ITGA9: variants seen among roughly 807,000 people sequenced by gnomAD.
The protein encoded by ITGA9 is integrin alpha-9.
A neutral mutation model predicts 127.8 loss-of-function variants in ITGA9; 56 were observed. The ratio of observed to expected loss-of-function variants is 0.44; its 90% confidence interval spans 0.35 to 0.55. The LOEUF (loss-of-function observed/expected upper bound fraction) is 0.55, where lower values mean the gene tolerates loss of function less well. Among genes scored for constraint, ITGA9 ranks in the 20% least tolerant of loss-of-function variants. The pLI is 0.00. For synonymous variants in ITGA9, 508 were observed against 514.5 expected (o/e 0.99, Z 0.17); for missense variants, 1,196 against 1,347.1 (o/e 0.89, Z 1.76).
At chr3:37,786,619 A>AAAC (rs1697045175) in intron 26 of ITGA9, among the ~76,000 whole-genome samples, 1 of 151,742 alleles carries the variant, frequency 6.6e-6, no homozygotes, top group African/African-American at 2.4e-5. Flanking sequence ...AACAAACAAA[A>AAAC]AAAAAAAAAC....
chr3:37,594,424 T>A (rs1287690777), intron 15 of ITGA9, among the ~76,000 whole-genome samples: 1 of 152,176 alleles, frequency 6.6e-6, no homozygotes, highest in East Asian at 1.9e-4. Flanking sequence ...AGGAGAGGAC[T>A]CAACAGTAAG....
At chr3:37,544,078 G>A (rs553478787) in intron 15 of ITGA9, among the ~76,000 whole-genome samples, 2 of 152,356 alleles carry the variant, frequency 1.3e-5, no homozygotes, top group Non-Finnish European at 2.9e-5. Flanking sequence ...GCTGGGGACA[G>A]GGCATCTTCT....
intron 22 of ITGA9, chr3:37,749,557 T>C (rs1332472109): frequency 1.3e-5 from 2 of 152,308 alleles, no homozygotes; most frequent in African/African-American, 4.8e-5. Flanking sequence ...CTCTGCATAT[T>C]CTGTTTCTTC....
intron 17 of ITGA9, among the ~76,000 whole-genome samples, chr3:37,665,796 C>T (rs1369559221): frequency 6.6e-6 from 1 of 152,180 alleles, no homozygotes; most frequent in Admixed American, 6.5e-5. Flanking sequence ...TGCCTCTCCT[C>T]ACATCCCAGC....
intron 15 of ITGA9, among the ~76,000 whole-genome samples, chr3:37,591,400 C>T (rs1699816485): frequency 6.6e-6 from 1 of 152,160 alleles, no homozygotes; most frequent in South Asian, 2.1e-4. Context: ...CTAGTGTACC[C>T]CACCCTTAGC....
chr3:37,795,421 G>C (rs1347911298), intron 26 of ITGA9, among the ~76,000 whole-genome samples: 3 of 152,152 alleles, frequency 2.0e-5, no homozygotes, highest in Admixed American at 1.3e-4. Flanking sequence ...GTGTGGTTTA[G>C]GTTCACCCAC....
chr3:37,546,292 A>G (rs547801231), intron 15 of ITGA9, among the ~76,000 whole-genome samples: 1 of 152,338 alleles, frequency 6.6e-6, no homozygotes, highest in South Asian at 2.1e-4. Context: ...ATCAAGTTCT[A>G]GGGAAGGCTT....
At chr3:37,514,631 G>A (rs934006927) in intron 9 of ITGA9, among the ~76,000 whole-genome samples, 3 of 152,266 alleles carry the variant, frequency 2.0e-5, no homozygotes, top group South Asian at 2.1e-4. Flanking sequence ...GTGCAGTGAC[G>A]CAGTCTTGGC....
chr3:37,581,826 G>C (rs975098057), intron 15 of ITGA9, among the ~76,000 whole-genome samples: 2 of 152,188 alleles, frequency 1.3e-5, no homozygotes, highest in African/African-American at 2.4e-5. Flanking sequence ...GCTGGGTGCT[G>C]TAGTGGCATG....
rs779087552 is a variant in ITGA9 at position 37,750,451 on chromosome 3, C to T, written c.2434-11C>T. 3.3e-6 allele frequency: 5 copies of T among 1,506,956 alleles called. No homozygotes were observed. Among genetic ancestry groups the T allele is most frequent in the Non-Finnish European group, 4.6e-6 (5 of 1,082,044 alleles). The allele number at this position is 1,506,956 out of a possible 1,614,324, so 93.3% of individuals were successfully genotyped here. A position where few individuals can be genotyped will look rare whatever the true frequency, so the allele number is the denominator to read the frequency against. On this transcript the variant is annotated splice_polypyrimidine_tract_variant and intron_variant, in intron 22 of 27. Transcript: ENST00000264741. ...CCACTGAGACTTGCTGTGTGTGTTC[C>T]ACACCCACAGGTCTACAACACTGGC...
intron 15 of ITGA9, among the ~76,000 whole-genome samples, chr3:37,565,695 A>G (rs977033027): frequency 6.6e-6 from 1 of 152,208 alleles, no homozygotes; most frequent in Non-Finnish European, 1.5e-5. Context: ...GATACATCTT[A>G]TATTGCTCTC....
intron 18 of ITGA9, among the ~76,000 whole-genome samples, chr3:37,723,360 AT>A (rs1231752727): frequency 6.6e-6 from 1 of 151,558 alleles, no homozygotes; most frequent in Non-Finnish European, 1.5e-5. Context: ...TATTATTATT[AT>A]TTTTATTATT....
In ITGA9 at chr3:37,751,776, G is replaced by A. The variant is rs141539158; in HGVS notation, c.2541+1207G>A. Among the ~76,000 whole-genome samples the A allele has an allele frequency of 3.9e-5, 6 of 152,150 alleles. No individual in the cohort carries two copies. The East Asian group carries it at 1.2e-3, about 29-fold the overall frequency. ...GATACCCAAGTGGTGTGAGCTGGCTGCACTCTGTTCTTTGGGCTCTGAGAA... is the reference window on the plus strand; with the variant it reads ...GATACCCAAGTGGTGTGAGCTGGCTACACTCTGTTCTTTGGGCTCTGAGAA... On this transcript the variant is annotated intron_variant, in intron 23 of 27. Coordinates refer to ENST00000264741, the MANE Select transcript of ITGA9 (RefSeq NM_002207.3).
chr3:37,523,483 C>T (rs775576957), intron 11 of ITGA9, 38 bp from the exon 12 acceptor site: 168 of 1,504,774 alleles, frequency 1.1e-4, no homozygotes, highest in Non-Finnish European at 1.5e-4. Context: ...TGACTGTGGT[C>T]TTTTCCTGTG....
chr3:37,722,818 C>A (rs978226715), intron 18 of ITGA9, among the ~76,000 whole-genome samples: 4 of 152,128 alleles, frequency 2.6e-5, no homozygotes, highest in Non-Finnish European at 4.4e-5. Context: ...GTTTTTATTT[C>A]TCTTGGGTAC....
chr3:37,814,680 A>G lies in ITGA9; in HGVS notation c.3010-4211A>G, dbSNP rs1366363460. On this transcript the variant is annotated intron_variant, in intron 27 of 27. Coordinates refer to ENST00000264741, the MANE Select transcript of ITGA9 (RefSeq NM_002207.3). The surrounding 1 kb of genome is among the most constrained non-coding windows in gnomAD (Gnocchi z 4.3). ...CGCTTCCTAAAGACTCTTTACTTCCATCTGTCAGAAAAAATTCAGAAAACT... is the reference window on the plus strand; with the variant it reads ...CGCTTCCTAAAGACTCTTTACTTCCGTCTGTCAGAAAAAATTCAGAAAACT... Among the ~76,000 whole-genome samples, 1 of 152,192 alleles carries G rather than the reference A, an allele frequency of 6.6e-6. No homozygotes were observed. The highest frequency in any genetic ancestry group is 2.4e-5 in the African/African-American group (1 of 41,456).
intron 13 of ITGA9, among the ~76,000 whole-genome samples, chr3:37,532,227 C>A (rs1290866997): frequency 2.0e-5 from 3 of 152,188 alleles, no homozygotes; most frequent in Non-Finnish European, 4.4e-5. Flanking sequence ...CTCTGTTGAC[C>A]CCATCTCCCA....
intron 5 of ITGA9, among the ~76,000 whole-genome samples, chr3:37,502,595 CT>C (rs1291901696): frequency 3.9e-5 from 6 of 152,170 alleles, no homozygotes; most frequent in Admixed American, 3.3e-4. Context: ...CTTAGTTGAC[CT>C]TGCTGGTCTC....
At chr3:37,769,644 C>T (rs1416355444) in intron 23 of ITGA9, among the ~76,000 whole-genome samples, 1 of 152,196 alleles carries the variant, frequency 6.6e-6, no homozygotes, top group East Asian at 1.9e-4. Flanking sequence ...ACTCCAGTCT[C>T]AAGTTTGCCC....
Sources: allele counts gnomAD v4.1 joint callset (sites outside exome capture counted in the v4.1 genomes callset), GRCh38; gene constraint gnomAD v4.1.1; non-coding constraint Gnocchi (gnomAD v3.1); transcripts MANE v1.5; gene names NCBI Gene and HGNC (gene_info 2026-07-23, HGNC 2026-07-21).